The following EFNA5 variants were observed in gnomAD, a reference collection of about 807,000 sequenced individuals.
EFNA5 encodes ephrin-A5.
In EFNA5, 5 loss-of-function variants were observed where a neutral mutation model predicts 22.9. That is an observed-to-expected ratio of 0.22 (90% confidence interval 0.11 to 0.46). The LOEUF is 0.46. Ranked by LOEUF, EFNA5 falls within the 20% of genes least tolerant of loss-of-function variation. The pLI is 0.99. For synonymous variants in EFNA5, 113 were observed against 112.2 expected, an observed-to-expected ratio of 1.01 and a Z score of -0.04; for missense variants, 237 against 293.3, an observed-to-expected ratio of 0.81 and a Z score of 1.40.
At chr5:107,423,233 A>T (rs1296254078) in intron 2 of EFNA5, among the ~76,000 whole-genome samples, 1 of 152,138 alleles carries the variant, frequency 6.6e-6, no homozygotes, top group Non-Finnish European at 1.5e-5. Flanking sequence ...TACTTTATAA[A>T]AGCATATATT....
intron 1 of EFNA5, among the ~76,000 whole-genome samples, chr5:107,453,194 A>G (rs1749604836): frequency 1.3e-5 from 2 of 152,204 alleles, no homozygotes; most frequent in South Asian, 4.1e-4. Flanking sequence ...AAACTGACAG[A>G]ATGTTCAGAT....
intron 1 of EFNA5, among the ~76,000 whole-genome samples, chr5:107,536,887 A>G (rs1478028020): frequency 6.6e-6 from 1 of 152,100 alleles, no homozygotes. Context: ...TGGGCAGATC[A>G]TGAGGTCAGG....
intron 1 of EFNA5, among the ~76,000 whole-genome samples, chr5:107,528,185 C>G (rs941742535): frequency 6.6e-6 from 1 of 152,160 alleles, no homozygotes; most frequent in African/African-American, 2.4e-5. Context: ...CCTCACCAGG[C>G]TGCTGTGACA....
At chr5:107,409,924 T>C (rs1007836603) in intron 2 of EFNA5, among the ~76,000 whole-genome samples, 1 of 152,080 alleles carries the variant, frequency 6.6e-6, no homozygotes, top group Non-Finnish European at 1.5e-5. Flanking sequence ...ATTTTGGATC[T>C]GCATTCAAAA....
intron 1 of EFNA5, among the ~76,000 whole-genome samples, chr5:107,444,938 T>TTCCAGGAATAACTTGTTG (rs1749351356): frequency 6.6e-6 from 1 of 152,178 alleles, no homozygotes; most frequent in Admixed American, 6.5e-5. Context: ...CTGATTTTAG[T>TTCCAGGAATAACTTGTTG]TCCAGGAATA....
chr5:107,463,637 A>G, intron 1 of EFNA5, among the ~76,000 whole-genome samples: 1 of 152,336 alleles, frequency 6.6e-6, no homozygotes, highest in Admixed American at 6.5e-5. Flanking sequence ...GAGGAATTAT[A>G]AGAATTCTGA....
intron 1 of EFNA5, among the ~76,000 whole-genome samples, chr5:107,550,621 T>C (rs1456873141): frequency 6.6e-6 from 1 of 152,238 alleles, no homozygotes; most frequent in Non-Finnish European, 1.5e-5. Flanking sequence ...TCCTACTTTC[T>C]ATATTGAAAT....
At chr5:107,509,087 G>A (rs953370228) in intron 1 of EFNA5, among the ~76,000 whole-genome samples, 17 of 152,156 alleles carry the variant, frequency 1.1e-4, no homozygotes, top group Non-Finnish European at 2.2e-4. Flanking sequence ...GGATGGCTTC[G>A]CTCTTGAGTT....
intron 1 of EFNA5, among the ~76,000 whole-genome samples, chr5:107,531,490 T>C (rs1747810264): frequency 1.3e-5 from 2 of 152,208 alleles, no homozygotes; most frequent in Non-Finnish European, 2.9e-5. Flanking sequence ...GGAAACGTGA[T>C]ACCTATCCTC....
At chr5:107,607,502 AT>A (rs2112517726) in intron 1 of EFNA5, among the ~76,000 whole-genome samples, 1 of 152,294 alleles carries the variant, frequency 6.6e-6, no homozygotes, top group Admixed American at 6.5e-5. Context: ...AAAACGAATT[AT>A]ATTTTTTTTC....
At chr5:107,663,939 T>G (rs779627360) in intron 1 of EFNA5, among the ~76,000 whole-genome samples, 3 of 152,190 alleles carry the variant, frequency 2.0e-5, no homozygotes, top group Non-Finnish European at 2.9e-5. Context: ...CAAAGGTTTA[T>G]TTTTCCTTAT....
At position 107,568,522 on chromosome 5, in the gene EFNA5, C is replaced by T. The variant is rs186866706; in HGVS notation, c.125+101967G>A. Among the ~76,000 whole-genome samples, 176 of 152,228 alleles carry T rather than the reference C, an allele frequency of 1.2e-3. 1 individual carries two copies. The highest frequency in any genetic ancestry group is 1.2e-3 in the Non-Finnish European group (85 of 68,008). ...TTGAGTGATCAAACAAAGGGTAAAGCCATCAGGAAAGAAACTGACAGCTGC... is the reference window on the plus strand; with the variant it reads ...TTGAGTGATCAAACAAAGGGTAAAGTCATCAGGAAAGAAACTGACAGCTGC... On this transcript the variant is annotated intron_variant, in intron 1 of 4. Coordinates refer to ENST00000333274, the MANE Select transcript of EFNA5 (RefSeq NM_001962.3).
At chr5:107,445,321 C>A (rs150337017) in intron 1 of EFNA5, among the ~76,000 whole-genome samples, 2,174 of 152,232 alleles carry the variant, frequency 0.014, 27 homozygotes, top group Non-Finnish European at 0.022. Flanking sequence ...CCACACCTGG[C>A]CTCAAAGATT....
At chr5:107,555,974 C>T (rs544370018) in intron 1 of EFNA5, among the ~76,000 whole-genome samples, 1 of 152,306 alleles carries the variant, frequency 6.6e-6, no homozygotes, top group South Asian at 2.1e-4. Context: ...ATGCAAATTG[C>T]ACGACACAGT....
At chr5:107,393,696 T>C (rs1747845513) in intron 2 of EFNA5, among the ~76,000 whole-genome samples, 1 of 152,224 alleles carries the variant, frequency 6.6e-6, no homozygotes, top group African/African-American at 2.4e-5. Context: ...GCCCAGTTTT[T>C]TTCCCTGTAG....
At chr5:107,621,722 T>C (rs575757317) in intron 1 of EFNA5, among the ~76,000 whole-genome samples, 2 of 152,348 alleles carry the variant, frequency 1.3e-5, no homozygotes, top group South Asian at 4.1e-4. Flanking sequence ...AGAAAACATG[T>C]AATTATTATC....
At chr5:107,553,178 AT>A (rs1447096193) in intron 1 of EFNA5, among the ~76,000 whole-genome samples, 4 of 152,142 alleles carry the variant, frequency 2.6e-5, no homozygotes, top group Admixed American at 2.6e-4. Context: ...GGAACTTAAA[AT>A]ATTTACTTGG....
intron 1 of EFNA5, among the ~76,000 whole-genome samples, chr5:107,459,710 T>C (rs900996703): frequency 1.3e-5 from 2 of 152,140 alleles, no homozygotes; most frequent in South Asian, 2.1e-4. Flanking sequence ...GTGGTCAGAA[T>C]TGAGTTGTCA....
chr5:107,516,097 C>T (rs745620445), intron 1 of EFNA5, among the ~76,000 whole-genome samples: 8 of 151,652 alleles, frequency 5.3e-5, no homozygotes, highest in East Asian at 2.0e-4. Context: ...CTCAAGTAAC[C>T]GGGCTCAAGT....
Sources: gnomAD v4.1 joint callset for allele counts (sites outside exome capture counted in the v4.1 genomes callset) on GRCh38, gnomAD v4.1.1 for gene constraint, MANE v1.5 for transcripts, NCBI Gene and HGNC (gene_info 2026-07-23, HGNC 2026-07-21) for gene names.